SIRPG: variants seen among roughly 807,000 people sequenced by gnomAD.
The protein encoded by SIRPG is signal-regulatory protein gamma.
SIRPG carries 38 observed loss-of-function variants against 35.7 expected under a neutral mutation model. The ratio of observed to expected loss-of-function variants is 1.06; its 90% confidence interval spans 0.82 to 1.40. SIRPG has a LOEUF of 1.40. Ranked by LOEUF, SIRPG falls within the 40% of genes most tolerant of loss-of-function variation. The pLI is 0.00. For synonymous variants in SIRPG, 215 were observed against 190.4 expected, an observed-to-expected ratio of 1.13 and a Z score of -1.06; for missense variants, 519 against 483.0, an observed-to-expected ratio of 1.07 and a Z score of -0.70.
intron 1 of SIRPG, among the ~76,000 whole-genome samples, chr20:1,653,368 C>T (rs1451990826): frequency 6.6e-6 from 1 of 152,184 alleles, no homozygotes; most frequent in Non-Finnish European, 1.5e-5. Context: ...AGAGGTAAGG[C>T]ATTTTCAACA....
intron 1 of SIRPG, among the ~76,000 whole-genome samples, chr20:1,653,324 A>G (rs1337462541): frequency 3.3e-5 from 5 of 152,224 alleles, no homozygotes; most frequent in African/African-American, 9.6e-5. Context: ...TGACAAGAAT[A>G]TCTACCTTGT....
intron 4 of SIRPG, among the ~76,000 whole-genome samples, chr20:1,631,016 A>G (rs1409604093): frequency 2.0e-5 from 3 of 152,128 alleles, no homozygotes; most frequent in Admixed American, 1.3e-4. Context: ...CCTCCACCCC[A>G]GTGCAGGTGT....
chr20:1,638,566 T>C (rs1014559215), intron 2 of SIRPG: 28 of 152,246 alleles, frequency 1.8e-4, no homozygotes, highest in African/African-American at 6.5e-4. Flanking sequence ...TGGAAGCATT[T>C]TGGAAGGAGG....
chr20:1,673,352 A>G, the SIRPG span, among the ~76,000 whole-genome samples: 1 of 152,132 alleles, frequency 6.6e-6, no homozygotes, highest in African/African-American at 2.4e-5. Flanking sequence ...GAGCCCCTTT[A>G]TAGGATGAGG....
intron 2 of SIRPG, among the ~76,000 whole-genome samples, chr20:1,643,269 T>C (rs1366965288): frequency 6.6e-6 from 1 of 152,202 alleles, no homozygotes; most frequent in Non-Finnish European, 1.5e-5. Flanking sequence ...TGTTCATTCC[T>C]TTTCATTCTT....
chr20:1,668,085 T>C, the SIRPG span, among the ~76,000 whole-genome samples: 2 of 152,214 alleles, frequency 1.3e-5, no homozygotes, highest in Non-Finnish European at 2.9e-5. Context: ...TCTGAAAATA[T>C]ATCTTGAAGA....
At chr20:1,686,342 C>CAG in the SIRPG span, among the ~76,000 whole-genome samples, 11 of 152,106 alleles carry the variant, frequency 7.2e-5, no homozygotes, top group Non-Finnish European at 1.6e-4. Context: ...CTGTGCATCC[C>CAG]CGCAGCAGAA....
At chr20:1,681,773 T>C in the SIRPG span, among the ~76,000 whole-genome samples, 1 of 152,042 alleles carries the variant, frequency 6.6e-6, no homozygotes, top group Non-Finnish European at 1.5e-5. Flanking sequence ...GAAGCAGAGG[T>C]TGCAGTGAGC....
At chr20:1,669,492 G>A in the SIRPG span, among the ~76,000 whole-genome samples, 1 of 152,330 alleles carries the variant, frequency 6.6e-6, no homozygotes, top group South Asian at 2.1e-4. Flanking sequence ...AGTCTTAAAT[G>A]CCTTTTCTGA....
At chr20:1,670,410 A>T in the SIRPG span, among the ~76,000 whole-genome samples, 5,079 of 152,218 alleles carry the variant, frequency 0.033, 128 homozygotes, top group Middle Eastern at 0.058. Context: ...TGAAATTACT[A>T]AGCACAACGC....
chr20:1,635,559 C>T lies in SIRPG; in HGVS notation c.789G>A (p.Val263=), dbSNP rs181987018. The T allele has an allele frequency of 2.5e-5, 40 of 1,614,158 alleles. No individual in the cohort carries two copies. The highest frequency in any genetic ancestry group is 3.3e-5 in the Admixed American group (2 of 60,028). Reference sequence around the variant, plus strand: ...GGCAGGTGACGTTTACCTGGTTCCCCACCCTCATGGGCTGTTGAGTAACCT... The same window carrying T: ...GGCAGGTGACGTTTACCTGGTTCCCTACCCTCATGGGCTGTTGAGTAACCT... The part of the protein sequence containing the change: ...TLEVTQQPMR[V]GNQVNVTCQV... The change falls in exon 4 of 6, where the codon GTG becomes GTA. Residue 263 remains valine (V), a synonymous_variant. Coordinates refer to ENST00000303415, the MANE Select transcript of SIRPG (RefSeq NM_018556.4).
the SIRPG span, among the ~76,000 whole-genome samples, chr20:1,664,401 C>T: frequency 7.3e-3 from 1,112 of 152,140 alleles, 13 homozygotes; most frequent in African/African-American, 0.026. Context: ...ATGGAGTAGG[C>T]GGGAATCCAG....
At position 1,643,044 on chromosome 20, in the gene SIRPG, G is replaced by C. The variant is rs759858865; in HGVS notation, c.430+6008C>G. On this transcript the variant is annotated intron_variant, in intron 2 of 5. Transcript: ENST00000303415. The stretch of plus-strand genomic sequence containing the variant: ...ACCTTGGAGAGTCTGATTATTATGT[G>C]TCTTGGGGTTGATCTTCTTGTGGAG... Among the ~76,000 whole-genome samples, 9 of 152,174 alleles carry C rather than the reference G, an allele frequency of 5.9e-5. No homozygotes were observed. In the South Asian group the frequency reaches 1.0e-3, roughly 18 times the overall value.
At chr20:1,651,742 G>A (rs1260750684) in intron 1 of SIRPG, among the ~76,000 whole-genome samples, 5 of 151,560 alleles carry the variant, frequency 3.3e-5, no homozygotes, top group Non-Finnish European at 7.4e-5. Context: ...TTGCCCTGAT[G>A]CCTTTCTTGT....
At chr20:1,668,321 C>T in the SIRPG span, among the ~76,000 whole-genome samples, 3 of 149,852 alleles carry the variant, frequency 2.0e-5, no homozygotes, top group Non-Finnish European at 1.5e-5. Flanking sequence ...CTTGCTCTGT[C>T]GCCCAGGCTG....
intron 1 of SIRPG, among the ~76,000 whole-genome samples, chr20:1,654,832 C>T (rs1323709051): frequency 6.6e-6 from 1 of 152,112 alleles, no homozygotes; most frequent in Non-Finnish European, 1.5e-5. Context: ...TCAAACAACT[C>T]AACCATAAGA....
chr20:1,636,991 A>C (rs1213953920), intron 2 of SIRPG, among the ~76,000 whole-genome samples: 1 of 152,182 alleles, frequency 6.6e-6, no homozygotes, highest in African/African-American at 2.4e-5. Flanking sequence ...CCTCATCTGC[A>C]AAGTGGGACA....
intron 1 of SIRPG, among the ~76,000 whole-genome samples, chr20:1,650,004 G>GTATGTATGTATATATATATATATA: frequency 1.0e-5 from 1 of 98,820 alleles, no homozygotes; most frequent in South Asian, 3.6e-4. Flanking sequence ...TTTGAAGTGT[G>GTATGTATGTATATATATATATATA]TATATATATA....
intron 4 of SIRPG, among the ~76,000 whole-genome samples, chr20:1,631,417 A>G (rs1292112978): frequency 1.3e-5 from 2 of 152,166 alleles, no homozygotes; most frequent in African/African-American, 4.8e-5. Context: ...ATTAAAAAAC[A>G]CTACATGACG....
Sources: gnomAD v4.1 joint callset for allele counts (sites outside exome capture counted in the v4.1 genomes callset) on GRCh38, gnomAD v4.1.1 for gene constraint, MANE v1.5 for transcripts, NCBI Gene and HGNC (gene_info 2026-07-23, HGNC 2026-07-21) for gene names.